The following MTG2 variants were observed in gnomAD, a reference collection of about 807,000 sequenced individuals.
MTG2 encodes mitochondrial ribosome associated GTPase 2.
In MTG2, 23 loss-of-function variants were observed where a neutral mutation model predicts 28.6. The observed-to-expected ratio is 0.80, with a 90% CI of 0.58 to 1.14. MTG2 has a LOEUF of 1.14. Ranked by LOEUF, MTG2 falls within the 50% of genes most tolerant of loss-of-function variation. The probability of loss-of-function intolerance (pLI) is 0.00; values close to 1 mark genes in which losing one functional copy is unlikely to be tolerated. For missense variants in MTG2, 539 were observed against 552.0 expected (o/e 0.98, Z 0.24); for synonymous variants, 260 against 251.8 (o/e 1.03, Z -0.31).
chr20:62,195,938 T>G lies in MTG2; in HGVS notation c.341T>G (p.Val114Gly), dbSNP rs1444274725. 6.2e-7 allele frequency: 1 copy of G among 1,614,016 alleles called. No individual in the cohort carries two copies. Among genetic ancestry groups the G allele is most frequent in the South Asian group, 1.1e-5 (1 of 91,084 alleles). Residue 114 changes from valine to glycine, a missense_variant, in exon 3 of 7, where the codon GTC (valine) becomes GGC (glycine). Transcript: ENST00000370823. ...GGGGACGGAGGCAACGGTGGACACGTCATTCTGAGAGGCAGGTGCCCTGGG... is the reference window on the plus strand; with the variant it reads ...GGGGACGGAGGCAACGGTGGACACGGCATTCTGAGAGGCAGGTGCCCTGGG... Reference protein sequence around the residue: ...DGGDGGNGGHVILRVDQQVKS... With the variant: ...DGGDGGNGGHGILRVDQQVKS...
chr20:62,195,998 T>G (rs2058050728), intron 3 of MTG2, 49 bp downstream of exon 3: 1 of 1,600,596 alleles, frequency 6.2e-7, no homozygotes, highest in Non-Finnish European at 8.5e-7. Flanking sequence ...GCCCCGAGAC[T>G]GCATGTGCAT....
chr20:62,184,081 G>A (rs920652693), intron 1 of MTG2, among the ~76,000 whole-genome samples: 3 of 152,240 alleles, frequency 2.0e-5, no homozygotes, highest in Non-Finnish European at 4.4e-5. Context: ...GGTTTCCGCT[G>A]GGCGCGGTGG....
At chr20:62,186,253 G>A (rs2057842701) in intron 1 of MTG2, among the ~76,000 whole-genome samples, 1 of 152,124 alleles carries the variant, frequency 6.6e-6, no homozygotes, top group Non-Finnish European at 1.5e-5. Flanking sequence ...GATGATGAAG[G>A]ACTTACTTCA....
rs1601105840 is a variant in MTG2 at position 62,200,823 on chromosome 20, G to A, written c.967G>A (p.Asp323Asn). 13 of 1,613,812 alleles carry A rather than the reference G, an allele frequency of 8.1e-6. No homozygotes were observed. The highest frequency in any genetic ancestry group is 1.7e-5 in the Admixed American group (1 of 60,000). The change falls in exon 7 of 7, where the codon GAT becomes AAT. Residue 323 changes from aspartate to asparagine, a missense_variant. Coordinates refer to ENST00000370823, the MANE Select transcript of MTG2 (RefSeq NM_015666.4). ...GCCTGAGCCGTGGACTCAAGTTGAC[G>A]ATTTAAAATATGAACTGGAGATGTA... Reference protein sequence around the residue: ...SQPEPWTQVDDLKYELEMYEK... With the variant: ...SQPEPWTQVDNLKYELEMYEK...
chr20:62,188,161 A>G (rs1326542340), intron 1 of MTG2, among the ~76,000 whole-genome samples: 26 of 151,254 alleles, frequency 1.7e-4, no homozygotes, highest in Non-Finnish European at 1.0e-4. Context: ...GGTATTTTGC[A>G]TTTCCATTAT....
chr20:62,185,177 G>C (rs1402031439), intron 1 of MTG2, among the ~76,000 whole-genome samples: 1 of 151,832 alleles, frequency 6.6e-6, no homozygotes, highest in East Asian at 1.9e-4. Flanking sequence ...AATTTGGGAG[G>C]CTGAGGTGGG....
chr20:62,200,648 A>G, intron 6 of MTG2, 35 bp from the exon 7 acceptor site: 2 of 1,553,270 alleles, frequency 1.3e-6, no homozygotes, highest in Non-Finnish European at 1.7e-6. Flanking sequence ...GGGTGTGCCA[A>G]GTGGTCACCT....
At chr20:62,200,533 A>C (rs1389309321) in intron 6 of MTG2, 150 bp from the exon 7 acceptor site, 10 of 938,484 alleles carry the variant, frequency 1.1e-5, no homozygotes, top group African/African-American at 5.0e-5. Context: ...GCTTCAGTTC[A>C]AGGCGTTCCT....
In MTG2 at chr20:62,198,760, A is replaced by G. The variant is rs1354226263; in HGVS notation, c.595A>G (p.Asn199Asp). 1 of 1,614,150 alleles carries G rather than the reference A, an allele frequency of 6.2e-7. No homozygotes were observed. The highest frequency in any genetic ancestry group is 1.7e-5 in the Admixed American group (1 of 60,030). ...AGGCAACCGCTTCTTCCTGGCCAAC[A>G]ACAACCGTGCCCCTGTGACCTGTAC... ...GKGNRFFLAN[N>D]NRAPVTCTPG... Residue 199 changes from asparagine to aspartate, a missense_variant, in exon 5 of 7, where the codon AAC becomes GAC. Coordinates refer to ENST00000370823, the MANE Select transcript of MTG2 (RefSeq NM_015666.4).
Position 62,201,148 on chromosome 20 carries a change from T to G in MTG2, c.*71T>G. ...TGGGTGTGAATTCGGTGGTTTTGAA[T>G]GCATAAAGTGCCTTGTGGACACGGG... On this transcript the variant is annotated 3_prime_UTR_variant, in exon 7 of 7. Coordinates refer to ENST00000370823, the MANE Select transcript of MTG2 (RefSeq NM_015666.4). 6.8e-7 allele frequency: 1 copy of G among 1,463,458 alleles called. No individual in the cohort carries two copies. Among genetic ancestry groups the G allele is most frequent in the Non-Finnish European group, 9.0e-7 (1 of 1,109,718 alleles). 90.7% of individuals were successfully genotyped at this position (1,463,458 alleles called of 1,614,324 possible).
At chr20:62,193,881 A>C (rs2058008758) in intron 2 of MTG2, 1 of 491,000 alleles carries the variant, frequency 2.0e-6, no homozygotes, top group Non-Finnish European at 3.7e-6. Flanking sequence ...TTTTCCCATG[A>C]GCCTGTGTAT....
At position 62,201,519 on chromosome 20, in the gene MTG2, G is replaced by A. The variant is rs1350508550; in HGVS notation, c.*442G>A. The A allele has an allele frequency of 6.3e-6, 1 of 157,488 alleles. No individual in the cohort carries two copies. Among genetic ancestry groups the A allele is most frequent in the Non-Finnish European group, 1.4e-5 (1 of 71,882 alleles). 9.8% of individuals were successfully genotyped at this position (157,488 alleles called of 1,614,324 possible). A position where few individuals can be genotyped will look rare whatever the true frequency, so the allele number is the denominator to read the frequency against. On this transcript the variant is annotated 3_prime_UTR_variant, in exon 7 of 7. Coordinates refer to ENST00000370823, the MANE Select transcript of MTG2 (RefSeq NM_015666.4). Reference sequence around the variant, plus strand: ...GTGCTTCCATGGCTTGCTACGGAGAGAGACCTCTGGATCCACACTGGGGCT... The same window carrying A: ...GTGCTTCCATGGCTTGCTACGGAGAAAGACCTCTGGATCCACACTGGGGCT...
At chr20:62,198,916 A>T in intron 5 of MTG2, 64 bp downstream of exon 5, 1 of 1,600,386 alleles carries the variant, frequency 6.2e-7, no homozygotes, top group African/African-American at 1.3e-5. Flanking sequence ...ACTTTTCTCA[A>T]TGGGGATTTG....
In MTG2 at chr20:62,201,094, T is replaced by G. The variant is rs1342383396; in HGVS notation, c.*17T>G. 1 of 1,572,990 alleles carries G rather than the reference T, an allele frequency of 6.4e-7. No homozygotes were observed. Among genetic ancestry groups the G allele is most frequent in the Admixed American group, 1.8e-5 (1 of 56,652 alleles). On this transcript the variant is annotated 3_prime_UTR_variant, in exon 7 of 7. Coordinates refer to ENST00000370823, the MANE Select transcript of MTG2 (RefSeq NM_015666.4). ...AGGTGGTAGCCACGCCAGAGCGGGG[T>G]CGCCTCTGGGCCTCTGTCTGAGCAA...
At position 62,200,844 on chromosome 20, in the gene MTG2, A is replaced by T; in HGVS notation, c.988A>T (p.Met330Leu). The T allele has an allele frequency of 1.2e-6, 2 of 1,613,868 alleles. No individual in the cohort carries two copies. Among genetic ancestry groups the T allele is most frequent in the Non-Finnish European group, 1.7e-6 (2 of 1,180,034 alleles). ...TGACGATTTAAAATATGAACTGGAG[A>T]TGTATGAAAAGGGCCTGTCTGCGAG... ...QVDDLKYELE[M>L]YEKGLSARPH... The change falls in exon 7 of 7, where the codon ATG (methionine) becomes TTG (leucine). Residue 330 changes from methionine (M) to leucine (L), a missense_variant. Coordinates refer to ENST00000370823, the MANE Select transcript of MTG2 (RefSeq NM_015666.4).
intron 1 of MTG2, among the ~76,000 whole-genome samples, chr20:62,189,752 G>A (rs1185908968): frequency 2.2e-5 from 3 of 137,794 alleles, no homozygotes; most frequent in African/African-American, 5.5e-5. Flanking sequence ...TGCAACCTCC[G>A]CCTCCCCGTT....
chr20:62,184,184 C>T (rs1049907370), intron 1 of MTG2, among the ~76,000 whole-genome samples: 8 of 152,172 alleles, frequency 5.3e-5, no homozygotes, highest in Non-Finnish European at 1.2e-4. Context: ...TGGTGAAACC[C>T]CATCTCTACT....
In MTG2 at chr20:62,197,968, G is replaced by A; in HGVS notation, c.468+1G>A. ...CAGTGGCGCCGTCCTCTACATCCGG[G>A]TGAGCCGAGACTGCCGGACCTGGCC... On this transcript the variant is annotated splice_donor_variant, in intron 4 of 6. Coordinates refer to ENST00000370823, the MANE Select transcript of MTG2 (RefSeq NM_015666.4). LOFTEE classifies it high-confidence loss of function. 1 of 1,612,998 alleles carries A rather than the reference G, an allele frequency of 6.2e-7. No homozygotes were observed. Among genetic ancestry groups the A allele is most frequent in the South Asian group, 1.1e-5 (1 of 91,064 alleles).
intron 2 of MTG2, among the ~76,000 whole-genome samples, chr20:62,194,257 G>A (rs2058018134): frequency 6.6e-6 from 1 of 152,184 alleles, no homozygotes; most frequent in Non-Finnish European, 1.5e-5. Flanking sequence ...GCACGTTTAT[G>A]ACTCCCTTCG....
Sources: allele counts gnomAD v4.1 joint callset (sites outside exome capture counted in the v4.1 genomes callset), GRCh38; gene constraint gnomAD v4.1.1; transcripts MANE v1.5; gene names NCBI Gene and HGNC (gene_info 2026-07-23, HGNC 2026-07-21).